Variants in RBFOX3 observed in about 807,000 individuals in gnomAD.
RBFOX3 encodes RNA binding fox-1 homolog 3, also known as RNA binding protein fox-1 homolog 3.
A neutral mutation model predicts 48.7 loss-of-function variants in RBFOX3; 17 were observed. The observed-to-expected ratio is 0.35, with a 90% CI of 0.24 to 0.52. The LOEUF (loss-of-function observed/expected upper bound fraction) is 0.52. Ranked by LOEUF, RBFOX3 falls within the 20% of genes least tolerant of loss-of-function variation. The pLI, the probability that RBFOX3 is intolerant of heterozygous loss-of-function variation, is 0.94. For missense variants in RBFOX3, 382 were observed against 497.5 expected (o/e 0.77, Z 2.21); for synonymous variants, 212 against 209.5 (o/e 1.01, Z -0.10).
intron 2 of RBFOX3, among the ~76,000 whole-genome samples, chr17:79,424,425 T>C (rs2066990185): frequency 6.6e-6 from 1 of 152,146 alleles, no homozygotes; most frequent in Non-Finnish European, 1.5e-5. Context: ...TGGCGGAGCC[T>C]GCCCTAAGGT....
At chr17:79,407,156 C>T (rs1008554328) in intron 2 of RBFOX3, among the ~76,000 whole-genome samples, 4 of 152,206 alleles carry the variant, frequency 2.6e-5, no homozygotes, top group African/African-American at 4.8e-5. Flanking sequence ...TACAGGCACC[C>T]GCCGCCATGC....
At chr17:79,271,916 A>G (rs1235683919) in intron 3 of RBFOX3, among the ~76,000 whole-genome samples, 1 of 152,228 alleles carries the variant, frequency 6.6e-6, no homozygotes, top group Non-Finnish European at 1.5e-5. Context: ...CCGCAAGAAC[A>G]GAATCCACAC....
chr17:79,170,840 C>T (rs2049129062), intron 4 of RBFOX3, among the ~76,000 whole-genome samples: 2 of 152,204 alleles, frequency 1.3e-5, no homozygotes, highest in African/African-American at 2.4e-5. Flanking sequence ...AGCCCCAAAA[C>T]ACTCACTCCC....
At chr17:79,656,777 G>GAGAGACA in the RBFOX3 span, among the ~76,000 whole-genome samples, 7 of 101,402 alleles carry the variant, frequency 6.9e-5, no homozygotes, top group South Asian at 7.1e-4. Flanking sequence ...AAGGAAGGAA[G>GAGAGACA]GAAAGAAAGA....
intron 1 of RBFOX3, chr17:79,509,000 G>A (rs2149820463): frequency 6.6e-6 from 1 of 152,418 alleles, no homozygotes; most frequent in African/African-American, 2.4e-5. Context: ...GGGGGGCTTG[G>A]AGCCTGACCC....
rs138642005 is a variant in RBFOX3, at chr17:79,538,195, T to C, written c.-319-55597A>G. On this transcript the variant is annotated intron_variant, in intron 1 of 14. Coordinates refer to ENST00000693108, the MANE Select transcript of RBFOX3 (RefSeq NM_001350451.2). The stretch of plus-strand genomic sequence containing the variant: ...CTGCCCCTTCCCAGGCTGTTGTGAA[T>C]ACATGTAATCTCATGATGAGTCTTC... Among the ~76,000 whole-genome samples, 13 of 152,348 alleles carry C rather than the reference T, an allele frequency of 8.5e-5. No homozygotes were observed. In the East Asian group the frequency reaches 2.5e-3, roughly 29 times the overall value.
At chr17:79,652,562 G>GAAAGGA in the RBFOX3 span, among the ~76,000 whole-genome samples, 1 of 41,638 alleles carries the variant, frequency 2.4e-5, no homozygotes, top group Non-Finnish European at 6.2e-5. Flanking sequence ...AGAGAGGAAG[G>GAAAGGA]AAAGGAAAGG....
intron 2 of RBFOX3, among the ~76,000 whole-genome samples, chr17:79,411,610 G>T (rs1046965631): frequency 1.3e-5 from 2 of 152,144 alleles, no homozygotes; most frequent in Non-Finnish European, 2.9e-5. Flanking sequence ...CCCGACTTCG[G>T]TCCCCACGCC....
intron 1 of RBFOX3, among the ~76,000 whole-genome samples, chr17:79,524,418 G>A (rs2086531416): frequency 6.6e-6 from 1 of 152,142 alleles, no homozygotes; most frequent in Non-Finnish European, 1.5e-5. Context: ...ACCTCCCAAT[G>A]GTTTTAAAGA....
At chr17:79,345,247 C>T (rs998779459) in intron 2 of RBFOX3, among the ~76,000 whole-genome samples, 2 of 152,168 alleles carry the variant, frequency 1.3e-5, no homozygotes, top group African/African-American at 2.4e-5. Context: ...GTGACATTTA[C>T]GTGCATAGAG....
At chr17:79,227,484 T>C (rs55841788) in intron 4 of RBFOX3, among the ~76,000 whole-genome samples, 9,707 of 152,264 alleles carry the variant, frequency 0.064, 442 homozygotes, top group Admixed American at 0.12. Context: ...ATCTCAAGCA[T>C]GTCATTTGTG....
chr17:79,653,085 C>A, the RBFOX3 span, among the ~76,000 whole-genome samples: 1 of 152,130 alleles, frequency 6.6e-6, no homozygotes, highest in Non-Finnish European at 1.5e-5. Flanking sequence ...GGATTCTGTA[C>A]TCAACCAGAC....
At chr17:79,105,345 G>A (rs550675944) in intron 6 of RBFOX3, among the ~76,000 whole-genome samples, 53 of 152,308 alleles carry the variant, frequency 3.5e-4, no homozygotes, top group Middle Eastern at 3.4e-3. Context: ...GACCCAGGGA[G>A]CTGACAGGGG....
chr17:79,456,798 A>C (rs1038432654), intron 2 of RBFOX3, among the ~76,000 whole-genome samples: 9 of 151,630 alleles, frequency 5.9e-5, no homozygotes, highest in African/African-American at 2.2e-4. Context: ...TTTCAAACAC[A>C]AGCTCGAGAG....
At chr17:79,413,578 C>G (rs2064830331) in intron 2 of RBFOX3, among the ~76,000 whole-genome samples, 3 of 152,272 alleles carry the variant, frequency 2.0e-5, no homozygotes, top group Non-Finnish European at 4.4e-5. Flanking sequence ...CAGGTTTCCA[C>G]CTGGAGCGTG....
In RBFOX3 at chr17:79,422,609, C is replaced by T. The variant is rs373006468; in HGVS notation, c.-175+59845G>A. 7.8e-4 allele frequency among the ~76,000 whole-genome samples: 119 copies of T among 152,320 alleles called. 1 individual carries two copies. The East Asian group carries it at 0.021, about 26-fold the overall frequency. On this transcript the variant is annotated intron_variant, in intron 2 of 14. Transcript: ENST00000693108. The stretch of plus-strand genomic sequence containing the variant: ...CAGGGTCCAGCAGCCTCAGGCTGGG[C>T]GGGGCCAGGCTGGGCAGATGCTGGG...
intron 4 of RBFOX3, among the ~76,000 whole-genome samples, chr17:79,121,362 T>G (rs1008364942): frequency 6.6e-6 from 1 of 152,084 alleles, no homozygotes; most frequent in African/African-American, 2.4e-5. Context: ...AAGAAAACCC[T>G]CCTTGACACC....
chr17:79,407,661 T>C (rs905927949), intron 2 of RBFOX3, among the ~76,000 whole-genome samples: 10 of 151,954 alleles, frequency 6.6e-5, no homozygotes, highest in African/African-American at 2.2e-4. Context: ...TCCCTCAGGA[T>C]TGGGGGACAA....
intron 5 of RBFOX3, among the ~76,000 whole-genome samples, chr17:79,107,162 G>A (rs2077539435): frequency 6.6e-6 from 1 of 152,210 alleles, no homozygotes; most frequent in Non-Finnish European, 1.5e-5. Context: ...GGCAGTTCTG[G>A]GAGCCTGAGG....
Sources: gnomAD v4.1 joint callset for allele counts (sites outside exome capture counted in the v4.1 genomes callset) on GRCh38, gnomAD v4.1.1 for gene constraint, MANE v1.5 for transcripts, NCBI Gene and HGNC (gene_info 2026-07-23, HGNC 2026-07-21) for gene names.